Variants in TPTE observed in about 807,000 individuals in gnomAD.
TPTE encodes putative tyrosine-protein phosphatase TPTE.
TPTE carries 59 observed loss-of-function variants against 84.1 expected under a neutral mutation model. That is an observed-to-expected ratio of 0.70 (90% CI 0.57 to 0.87). TPTE has a LOEUF of 0.87. Ranked by LOEUF, TPTE falls within the 40% of genes least tolerant of loss-of-function variation. TPTE has a pLI of 0.00. For synonymous variants in TPTE, 130 were observed against 223.5 expected, an observed-to-expected ratio of 0.58 and a Z score of 3.73; for missense variants, 382 against 659.6, an observed-to-expected ratio of 0.58 and a Z score of 4.61.
intron 7 of TPTE, among the ~76,000 whole-genome samples, chr21:10,544,435 C>T (rs1269283226): frequency 8.5e-5 from 13 of 152,298 alleles, no homozygotes; most frequent in African/African-American, 2.2e-4. Context: ...CCCAAGCTGG[C>T]GTGCAGTGGC....
chr21:10,527,416 A>G lies in TPTE; in HGVS notation c.-44+4A>G. 6.5e-6 allele frequency: 1 copy of G among 152,892 alleles called. No individual in the cohort carries two copies. Among genetic ancestry groups the G allele is most frequent in the Middle Eastern group, 3.4e-3 (1 of 294 alleles). 9.5% of individuals were successfully genotyped at this position (152,892 alleles called of 1,614,324 possible). A position where few individuals can be genotyped will look rare whatever the true frequency, so the allele number is the denominator to read the frequency against. On this transcript the variant is annotated splice_donor_region_variant and intron_variant, in intron 3 of 23. Transcript: ENST00000618007. ...TTGACAACTATGACCACAATGGGTG[A>G]GTTGACTGATCTAAGTGGTGAAAAA...
At chr21:10,530,496 ATTC>A (rs1396001126) in intron 3 of TPTE, among the ~76,000 whole-genome samples, 1 of 152,310 alleles carries the variant, frequency 6.6e-6, no homozygotes, top group Non-Finnish European at 1.5e-5. Context: ...ACATAAGATT[ATTC>A]TTCTTGTGCA....
intron 17 of TPTE, among the ~76,000 whole-genome samples, chr21:10,582,289 A>T (rs1331381174): frequency 2.0e-5 from 3 of 152,310 alleles, no homozygotes; most frequent in African/African-American, 7.2e-5. Context: ...TTTGTTCTCC[A>T]TTAATTTGTA....
At chr21:10,545,844 GAT>G (rs1358055151) in intron 7 of TPTE, among the ~76,000 whole-genome samples, 2 of 151,702 alleles carry the variant, frequency 1.3e-5, no homozygotes, top group Non-Finnish European at 2.9e-5. Flanking sequence ...TCTATATATA[GAT>G]ATATTCTTTA....
chr21:10,547,479 C>G (rs1320564857), intron 7 of TPTE, among the ~76,000 whole-genome samples: 1 of 152,308 alleles, frequency 6.6e-6, no homozygotes, highest in South Asian at 2.1e-4. Context: ...AACACAAAGT[C>G]TTTACAACAG....
intron 19 of TPTE, among the ~76,000 whole-genome samples, chr21:10,594,033 G>T (rs1230854962): frequency 6.6e-6 from 1 of 152,300 alleles, no homozygotes; most frequent in African/African-American, 2.4e-5. Flanking sequence ...CTGAAGTGCA[G>T]CCCTAATCAT....
intron 20 of TPTE, among the ~76,000 whole-genome samples, chr21:10,596,490 C>T (rs1454552920): frequency 6.6e-6 from 1 of 152,306 alleles, no homozygotes; most frequent in Non-Finnish European, 1.5e-5. Flanking sequence ...GGAGGTGTCT[C>T]CGTATCGTAT....
intron 5 of TPTE, 21 bp downstream of exon 5, chr21:10,541,186 A>C (rs370567985): frequency 1.2e-6 from 2 of 1,611,950 alleles, no homozygotes; most frequent in African/African-American, 1.3e-5. Context: ...AAAGATGTAC[A>C]CATGACCAGG....
intron 7 of TPTE, among the ~76,000 whole-genome samples, chr21:10,547,801 G>C (rs2074496308): frequency 6.6e-6 from 1 of 152,308 alleles, no homozygotes; most frequent in African/African-American, 2.4e-5. Context: ...CTCAAGTAAT[G>C]CAGAGCAGGG....
At chr21:10,600,702 C>G (rs1284619186) in intron 21 of TPTE, among the ~76,000 whole-genome samples, 1 of 152,310 alleles carries the variant, frequency 6.6e-6, no homozygotes, top group Non-Finnish European at 1.5e-5. Context: ...CTGAAGGGGC[C>G]AACTGAGTCT....
At chr21:10,541,894 A>G (rs1600870567) in intron 5 of TPTE, among the ~76,000 whole-genome samples, 1 of 152,310 alleles carries the variant, frequency 6.6e-6, no homozygotes, top group Non-Finnish European at 1.5e-5. Flanking sequence ...ACCCTCCAGA[A>G]CCCTGCCACC....
chr21:10,596,356 C>G (rs1428687489), intron 20 of TPTE, among the ~76,000 whole-genome samples: 1 of 152,312 alleles, frequency 6.6e-6, no homozygotes, highest in Non-Finnish European at 1.5e-5. Context: ...CATTGCTCCT[C>G]TGGTCTCAAC....
chr21:10,597,670 C>G (rs2075613951), intron 20 of TPTE, among the ~76,000 whole-genome samples: 1 of 152,312 alleles, frequency 6.6e-6, no homozygotes, highest in Non-Finnish European at 1.5e-5. Context: ...CCACCTCGCC[C>G]TCCCAAAGTG....
chr21:10,603,251 G>C (rs1218673364), intron 22 of TPTE, among the ~76,000 whole-genome samples: 33 of 152,390 alleles, frequency 2.2e-4, no homozygotes, highest in African/African-American at 3.4e-4. Context: ...TATAGACATA[G>C]GTCCTTAGTA....
chr21:10,530,436 A>T (rs2074157629), intron 3 of TPTE, among the ~76,000 whole-genome samples: 1 of 152,310 alleles, frequency 6.6e-6, no homozygotes, highest in African/African-American at 2.4e-5. Context: ...TTTTAAATTT[A>T]CTTAAATGGT....
chr21:10,545,834 T>C (rs373315025), intron 7 of TPTE, among the ~76,000 whole-genome samples: 1 of 151,794 alleles, frequency 6.6e-6, no homozygotes, highest in South Asian at 2.1e-4. Context: ...TATATACATA[T>C]CTATATATAG....
intron 22 of TPTE, among the ~76,000 whole-genome samples, chr21:10,602,939 T>A (rs1209256573): frequency 6.6e-6 from 1 of 152,312 alleles, no homozygotes; most frequent in Admixed American, 6.5e-5. Flanking sequence ...CAGCTATGAG[T>A]CTCTGCTGTG....
chr21:10,603,514 A>G (rs780625112), intron 22 of TPTE, 48 bp from the exon 23 acceptor site: 5 of 1,542,174 alleles, frequency 3.2e-6, no homozygotes, highest in Non-Finnish European at 4.4e-6. Context: ...CTTTGGAATG[A>G]TTAGTTCTTG....
intron 1 of TPTE, among the ~76,000 whole-genome samples, chr21:10,523,857 C>T (rs1028467561): frequency 6.6e-6 from 1 of 152,296 alleles, no homozygotes; most frequent in Non-Finnish European, 1.5e-5. Flanking sequence ...GTTCTAGATC[C>T]CTGAGGAATC....
Sources: allele counts gnomAD v4.1 joint callset (sites outside exome capture counted in the v4.1 genomes callset), GRCh38; gene constraint gnomAD v4.1.1; transcripts MANE v1.5; gene names NCBI Gene and HGNC (gene_info 2026-07-23, HGNC 2026-07-21).